PCDH9: variants seen among roughly 807,000 people sequenced by gnomAD.
PCDH9 encodes the protein protocadherin-9.
PCDH9 carries 24 observed loss-of-function variants against 70.6 expected under a neutral mutation model. That is an observed-to-expected ratio of 0.34 (90% confidence interval 0.25 to 0.48). The LOEUF (loss-of-function observed/expected upper bound fraction) is 0.48. PCDH9 is among the 20% of genes least tolerant of loss of function. The pLI is 0.99. For synonymous variants in PCDH9, 562 were observed against 558.5 expected, an observed-to-expected ratio of 1.01 and a Z score of -0.09; for missense variants, 1,281 against 1,503.6, an observed-to-expected ratio of 0.85 and a Z score of 2.45.
At chr13:66,327,103 A>G (rs1955862447) in intron 4 of PCDH9, among the ~76,000 whole-genome samples, 1 of 152,200 alleles carries the variant, frequency 6.6e-6, no homozygotes. Flanking sequence ...AGCCTTAGAA[A>G]TAGCCTTATC....
chr13:66,377,317 G>T (rs554638021), intron 4 of PCDH9, among the ~76,000 whole-genome samples: 1 of 152,040 alleles, frequency 6.6e-6, no homozygotes, highest in Non-Finnish European at 1.5e-5. Context: ...GCCAGTCCCC[G>T]CCCTGAGTTT....
chr13:66,737,554 C>T (rs990673462), intron 3 of PCDH9, among the ~76,000 whole-genome samples: 26 of 152,148 alleles, frequency 1.7e-4, no homozygotes, highest in Non-Finnish European at 2.4e-4. Flanking sequence ...ACGCAGAAGA[C>T]GGGTGATTTC....
At chr13:66,829,746 A>AAAAAAAAT (rs2080892394) in intron 3 of PCDH9, among the ~76,000 whole-genome samples, 15 of 147,152 alleles carry the variant, frequency 1.0e-4, no homozygotes, top group African/African-American at 3.8e-4. Flanking sequence ...AAAAAAAAAA[A>AAAAAAAAT]TTTCATTTAG....
chr13:66,368,500 C>G (rs1219402489), intron 4 of PCDH9, among the ~76,000 whole-genome samples: 21 of 151,124 alleles, frequency 1.4e-4, no homozygotes. Flanking sequence ...ATTTCAGAAC[C>G]AGTTTCTGAA....
chr13:66,686,719 G>C (rs940000221), intron 3 of PCDH9, among the ~76,000 whole-genome samples: 9 of 152,080 alleles, frequency 5.9e-5, no homozygotes, highest in African/African-American at 2.2e-4. Flanking sequence ...AGTTTGGTGA[G>C]TGAATAATTT....
intron 2 of PCDH9, among the ~76,000 whole-genome samples, chr13:67,142,096 T>A (rs966936440): frequency 1.3e-5 from 2 of 152,138 alleles, no homozygotes; most frequent in African/African-American, 4.8e-5. Flanking sequence ...TTTCCTGATA[T>A]GAGAACCTGA....
chr13:66,896,469 A>G (rs978251234), intron 3 of PCDH9, among the ~76,000 whole-genome samples: 2 of 152,138 alleles, frequency 1.3e-5, no homozygotes, highest in Non-Finnish European at 2.9e-5. Flanking sequence ...ATAAGAGGCT[A>G]TTATATGTAA....
chr13:66,730,278 A>G (rs1434459061), intron 3 of PCDH9, among the ~76,000 whole-genome samples: 1 of 152,102 alleles, frequency 6.6e-6, no homozygotes, highest in Non-Finnish European at 1.5e-5. Flanking sequence ...AAAATATTTG[A>G]TAGCTATACT....
Position 66,849,515 on chromosome 13 carries a change from T to TAGAG in PCDH9, c.3138+53988_3138+53989insCTCT, listed in dbSNP as rs1315844570. On this transcript the variant is annotated intron_variant, in intron 3 of 4. Transcript: ENST00000377865. ...ATATATATATATATATATATATATA[T>TAGAG]ATAGAGAGAGAGAGAGAGAGAGAGA... 8.4e-3 allele frequency among the ~76,000 whole-genome samples: 606 copies of TAGAG among 72,372 alleles called. 3 individuals carry two copies. Among genetic ancestry groups the TAGAG allele is most frequent in the Non-Finnish European group, 1.0e-2 (419 of 41,920 alleles). 47.5% of individuals were successfully genotyped at this position (72,372 alleles called of 152,430 possible). A position where few individuals can be genotyped will look rare whatever the true frequency, so the allele number is the denominator to read the frequency against.
At chr13:66,439,318 C>G (rs1218159227) in intron 4 of PCDH9, among the ~76,000 whole-genome samples, 2 of 152,088 alleles carry the variant, frequency 1.3e-5, no homozygotes, top group Non-Finnish European at 2.9e-5. Context: ...CTATAAAATA[C>G]AGTTAACAAG....
At position 66,319,697 on chromosome 13, in the gene PCDH9, G is replaced by A. The variant is rs531857053; in HGVS notation, c.3341-14669C>T. ...GTGAGATATGCCTAGAACGTTGAAAGAGCTATGGAGGATTCAAAAGAATCT... is the reference window on the plus strand; with the variant it reads ...GTGAGATATGCCTAGAACGTTGAAAAAGCTATGGAGGATTCAAAAGAATCT... On this transcript the variant is annotated intron_variant, in intron 4 of 4. Coordinates refer to ENST00000377865, the MANE Select transcript of PCDH9 (RefSeq NM_203487.3). Among the ~76,000 whole-genome samples, 3 of 152,130 alleles carry A rather than the reference G, an allele frequency of 2.0e-5. No individual in the cohort carries two copies. In the East Asian group the frequency reaches 5.8e-4, roughly 29 times the overall value.
At chr13:67,174,891 G>C (rs1219761443) in intron 2 of PCDH9, among the ~76,000 whole-genome samples, 1 of 151,114 alleles carries the variant, frequency 6.6e-6, no homozygotes, top group African/African-American at 2.4e-5. Context: ...CACCATTTTG[G>C]GAGGCTGAGG....
chr13:66,479,986 G>C (rs563028495), intron 4 of PCDH9, among the ~76,000 whole-genome samples: 7 of 152,254 alleles, frequency 4.6e-5, no homozygotes, highest in Admixed American at 4.6e-4. Flanking sequence ...AATAAATCCT[G>C]CTGCTGCTCA....
At chr13:66,464,304 G>A (rs867967887) in intron 4 of PCDH9, among the ~76,000 whole-genome samples, 2 of 151,602 alleles carry the variant, frequency 1.3e-5, no homozygotes, top group Non-Finnish European at 2.9e-5. Context: ...CAGTGTAACC[G>A]GAATGTCTAT....
chr13:67,176,232 G>A (rs569484749), intron 2 of PCDH9, among the ~76,000 whole-genome samples: 14 of 152,148 alleles, frequency 9.2e-5, no homozygotes, highest in Admixed American at 2.0e-4. Context: ...AAAAAGAGCG[G>A]TGATGCAGAG....
chr13:66,479,467 G>A (rs1288880648), intron 4 of PCDH9, among the ~76,000 whole-genome samples: 2 of 152,190 alleles, frequency 1.3e-5, no homozygotes, highest in Non-Finnish European at 2.9e-5. Context: ...CTTCTGGAAA[G>A]GATTCACCAT....
chr13:66,708,403 G>GTTTT lies in PCDH9; in HGVS notation c.3139-76996_3139-76993dup, dbSNP rs36087870. Among the ~76,000 whole-genome samples the GTTTT allele has an allele frequency of 4.0e-4, 55 of 136,934 alleles. 1 individual carries two copies. Among genetic ancestry groups the GTTTT allele is most frequent in the East Asian group, 8.5e-4 (4 of 4,730 alleles). The allele number at this position is 136,934 out of a possible 152,430, so 89.8% of individuals were successfully genotyped here. On this transcript the variant is annotated intron_variant, in intron 3 of 4. Coordinates refer to ENST00000377865, the MANE Select transcript of PCDH9 (RefSeq NM_203487.3). ...ACTTTCAAGTGTACTTTGAGATTTA[G>GTTTT]TTTTTTTTTTTTTTTTTCTTTCTTA...
intron 4 of PCDH9, among the ~76,000 whole-genome samples, chr13:66,506,687 A>G (rs1482783490): frequency 1.3e-5 from 2 of 152,200 alleles, no homozygotes; most frequent in African/African-American, 2.4e-5. Context: ...GCTACACACT[A>G]AGAAAGCTTA....
chr13:66,752,350 G>A (rs140812321), intron 3 of PCDH9, among the ~76,000 whole-genome samples: 1 of 152,224 alleles, frequency 6.6e-6, no homozygotes, highest in East Asian at 1.9e-4. Context: ...TTTGAGATAT[G>A]CAACGGTGCA....
Sources: allele counts gnomAD v4.1 joint callset (sites outside exome capture counted in the v4.1 genomes callset), GRCh38; gene constraint gnomAD v4.1.1; transcripts MANE v1.5; gene names NCBI Gene and HGNC (gene_info 2026-07-23, HGNC 2026-07-21).